Variants in PACRG observed in about 807,000 individuals in gnomAD.
PACRG encodes parkin coregulated gene protein.
A neutral mutation model predicts 29.7 loss-of-function variants in PACRG; 29 were observed. The ratio of observed to expected loss-of-function variants is 0.98; its 90% CI spans 0.73 to 1.33. The LOEUF is 1.33. Ranked by LOEUF, PACRG falls within the 40% of genes most tolerant of loss-of-function variation. The probability of loss-of-function intolerance (pLI) is 0.00; values close to 1 mark genes in which losing one functional copy is unlikely to be tolerated. For synonymous variants in PACRG, 116 were observed against 118.7 expected, an observed-to-expected ratio of 0.98 and a Z score of 0.15; for missense variants, 279 against 316.2, an observed-to-expected ratio of 0.88 and a Z score of 0.89.
intron 4 of PACRG, among the ~76,000 whole-genome samples, chr6:163,112,410 T>A (rs1190961034): frequency 1.3e-5 from 2 of 152,182 alleles, no homozygotes; most frequent in African/African-American, 2.4e-5. Context: ...GGACCTGTGT[T>A]CTGATTGCTG....
intron 2 of PACRG, among the ~76,000 whole-genome samples, chr6:162,821,660 C>T (rs1787851785): frequency 6.6e-6 from 1 of 152,148 alleles, no homozygotes; most frequent in South Asian, 2.1e-4. Flanking sequence ...TATCAATACT[C>T]TAATTTTTAA....
intron 4 of PACRG, among the ~76,000 whole-genome samples, chr6:163,235,842 G>A (rs1782213208): frequency 6.6e-6 from 1 of 151,986 alleles, no homozygotes; most frequent in South Asian, 2.1e-4. Flanking sequence ...TTTATAGTGT[G>A]GTTTGATATT....
At chr6:163,244,202 T>C (rs1021796284) in intron 4 of PACRG, among the ~76,000 whole-genome samples, 2 of 151,742 alleles carry the variant, frequency 1.3e-5, no homozygotes, top group Non-Finnish European at 2.9e-5. Flanking sequence ...GTTTGTTTCA[T>C]ACCATTCATT....
At chr6:163,281,229 C>T (rs534639161) in intron 4 of PACRG, among the ~76,000 whole-genome samples, 147 of 152,192 alleles carry the variant, frequency 9.7e-4, no homozygotes, top group African/African-American at 3.1e-3. Context: ...CAGAGCAGGA[C>T]GTTCAGAGGA....
chr6:163,164,484 G>A (rs1222934550), intron 4 of PACRG, among the ~76,000 whole-genome samples: 8 of 152,220 alleles, frequency 5.3e-5, no homozygotes, highest in African/African-American at 1.9e-4. Flanking sequence ...TCCACACTCA[G>A]TGGGCGCTGG....
At chr6:163,070,384 G>GA (rs1027595388) in intron 3 of PACRG, among the ~76,000 whole-genome samples, 1 of 151,630 alleles carries the variant, frequency 6.6e-6, no homozygotes, top group Admixed American at 6.6e-5. Flanking sequence ...AATACAAATA[G>GA]AAAAAAAAGT....
At chr6:162,790,859 C>G (rs1784877490) in intron 1 of PACRG, among the ~76,000 whole-genome samples, 1 of 152,134 alleles carries the variant, frequency 6.6e-6, no homozygotes, top group African/African-American at 2.4e-5. Flanking sequence ...AACTTACTTG[C>G]CACTTCTAAA....
intron 2 of PACRG, among the ~76,000 whole-genome samples, chr6:163,010,390 T>A (rs923527180): frequency 5.9e-5 from 9 of 152,216 alleles, no homozygotes; most frequent in African/African-American, 2.2e-4. Flanking sequence ...TGCTGACATA[T>A]AAATGATGCT....
intron 2 of PACRG, among the ~76,000 whole-genome samples, chr6:162,844,602 C>T (rs1019613237): frequency 2.6e-5 from 4 of 152,214 alleles, no homozygotes; most frequent in African/African-American, 9.6e-5. Context: ...GTTCCTATTG[C>T]GCCATCTTGG....
At chr6:163,250,912 A>G (rs1483026845) in intron 4 of PACRG, among the ~76,000 whole-genome samples, 2 of 138,484 alleles carry the variant, frequency 1.4e-5, no homozygotes, top group Non-Finnish European at 3.0e-5. Flanking sequence ...TATATACACT[A>G]TGGAATATTA....
chr6:162,923,164 T>C (rs1362026748), intron 2 of PACRG, among the ~76,000 whole-genome samples: 3 of 152,148 alleles, frequency 2.0e-5, no homozygotes, highest in African/African-American at 7.2e-5. Context: ...GCTGGCCATT[T>C]GTATGCCTTT....
At chr6:162,961,441 T>C (rs1800609819) in intron 2 of PACRG, among the ~76,000 whole-genome samples, 1 of 152,174 alleles carries the variant, frequency 6.6e-6, no homozygotes, top group African/African-American at 2.4e-5. Context: ...TATCTATAAC[T>C]CCAACCTTGT....
At chr6:163,000,805 G>T (rs927810721) in intron 2 of PACRG, among the ~76,000 whole-genome samples, 1 of 152,210 alleles carries the variant, frequency 6.6e-6, no homozygotes, top group African/African-American at 2.4e-5. Context: ...ACACAACAAT[G>T]AAAGATGCAG....
intron 4 of PACRG, among the ~76,000 whole-genome samples, chr6:163,103,032 G>A (rs1394690386): frequency 6.6e-6 from 1 of 152,188 alleles, no homozygotes; most frequent in African/African-American, 2.4e-5. Context: ...GGTGGATGGA[G>A]GGAGAGTGTA....
At chr6:163,093,096 T>G (rs566703199) in intron 4 of PACRG, among the ~76,000 whole-genome samples, 2 of 152,360 alleles carry the variant, frequency 1.3e-5, no homozygotes, top group Admixed American at 6.5e-5. Flanking sequence ...TAACAGGTTT[T>G]CAAATCCATC....
chr6:162,756,663 A>G (rs1013669554), intron 1 of PACRG, among the ~76,000 whole-genome samples: 1 of 152,070 alleles, frequency 6.6e-6, no homozygotes, highest in Non-Finnish European at 1.5e-5. Flanking sequence ...ATTGCAAGGT[A>G]AGGGCTTGCT....
chr6:162,921,250 C>T (rs1280176396), intron 2 of PACRG, among the ~76,000 whole-genome samples: 1 of 152,134 alleles, frequency 6.6e-6, no homozygotes, highest in African/African-American at 2.4e-5. Flanking sequence ...GGATCCTGCA[C>T]AATCTCATCT....
At chr6:163,030,624 A>C (rs957611556) in intron 2 of PACRG, among the ~76,000 whole-genome samples, 1 of 152,218 alleles carries the variant, frequency 6.6e-6, no homozygotes, top group African/African-American at 2.4e-5. Flanking sequence ...AAGAAAGTAC[A>C]GGAATAAAAG....
chr6:162,784,741 G>A (rs896168258), intron 1 of PACRG, among the ~76,000 whole-genome samples: 4 of 152,022 alleles, frequency 2.6e-5, no homozygotes, highest in Admixed American at 6.5e-5. Context: ...GTGACAATTC[G>A]GAAGGCAGAC....
Sources: gnomAD v4.1 joint callset for allele counts (sites outside exome capture counted in the v4.1 genomes callset) on GRCh38, gnomAD v4.1.1 for gene constraint, MANE v1.5 for transcripts, NCBI Gene and HGNC (gene_info 2026-07-23, HGNC 2026-07-21) for gene names.